Variants in CEP120 observed in about 807,000 individuals in gnomAD.
CEP120 encodes centrosomal protein of 120 kDa.
A neutral mutation model predicts 126.5 loss-of-function variants in CEP120; 113 were observed. The observed-to-expected ratio is 0.89, with a 90% CI of 0.77 to 1.04. CEP120 has a LOEUF of 1.04. Ranked by LOEUF, CEP120 falls within the 50% of genes least tolerant of loss-of-function variation. The pLI, the probability that CEP120 is intolerant of heterozygous loss-of-function variation, is 0.00. For synonymous variants in CEP120, 400 were observed against 394.3 expected (o/e 1.01, Z -0.17); for missense variants, 1,230 against 1,155.7 (o/e 1.06, Z -0.93).
At chr5:123,401,175 G>A (rs1449647329) in intron 4 of CEP120, 2 of 1,611,760 alleles carry the variant, frequency 1.2e-6, no homozygotes, top group Non-Finnish European at 8.5e-7. Flanking sequence ...CTTCTTGTAG[G>A]TGGCGATCTC....
chr5:123,351,529 A>T (rs138989442), intron 18 of CEP120, among the ~76,000 whole-genome samples: 1 of 152,290 alleles, frequency 6.6e-6, no homozygotes, highest in African/African-American at 2.4e-5. Flanking sequence ...CATAGGCTTC[A>T]AATTGCGTGG....
rs1224496946 is a variant in CEP120, at chr5:123,382,755, T to G, written c.1995A>C (p.Glu665Asp). 2 of 1,612,426 alleles carry G rather than the reference T, an allele frequency of 1.2e-6. No individual in the cohort carries two copies. The highest frequency in any genetic ancestry group is 1.7e-6 in the Non-Finnish European group (2 of 1,179,340). ...AAGTAACCTGATTTTCAAATATATC[T>G]TCTTGCATCTCCTTCCACATTTCTA... ...LELEMWKEMQEDIFENQLKQK... is the reference protein window; with the variant it reads ...LELEMWKEMQDDIFENQLKQK... Residue 665 changes from glutamate to aspartate, a missense_variant, in exon 13 of 20, where the codon GAA becomes GAC. Glu to Asp is a conservative substitution (Grantham distance 45). Coordinates refer to ENST00000306467, the MANE Select transcript of CEP120 (RefSeq NM_001375405.1).
intron 18 of CEP120, chr5:123,358,158 G>GTTGT (rs1769782159): frequency 6.6e-6 from 1 of 151,922 alleles, no homozygotes; most frequent in East Asian, 1.9e-4. Flanking sequence ...ACTAAGCAAT[G>GTTGT]TTGTTTGCAA....
intron 6 of CEP120, 36 bp downstream of exon 6, chr5:123,393,261 GACC>G: frequency 6.3e-7 from 1 of 1,585,650 alleles, no homozygotes; most frequent in South Asian, 1.1e-5. Flanking sequence ...ATGCTTAAAA[GACC>G]ACCTCCAGCT....
chr5:123,378,055 A>G (rs1771360939), intron 15 of CEP120, among the ~76,000 whole-genome samples: 2 of 152,116 alleles, frequency 1.3e-5, no homozygotes, highest in African/African-American at 2.4e-5. Context: ...ACAAAGTAAT[A>G]AACAGTATGA....
intron 17 of CEP120, among the ~76,000 whole-genome samples, chr5:123,365,228 T>C (rs1428694393): frequency 4.2e-5 from 3 of 72,258 alleles, no homozygotes; most frequent in Non-Finnish European, 9.0e-5. Context: ...TCCTCAAATA[T>C]ATAAAGAAAA....
intron 4 of CEP120, among the ~76,000 whole-genome samples, chr5:123,408,754 C>T (rs761455745): frequency 8.5e-5 from 13 of 152,164 alleles, no homozygotes; most frequent in Non-Finnish European, 1.8e-4. Context: ...AGAATACTTC[C>T]TAACTCATTC....
At chr5:123,404,753 T>C (rs1773530387) in intron 4 of CEP120, among the ~76,000 whole-genome samples, 1 of 152,250 alleles carries the variant, frequency 6.6e-6, no homozygotes, top group African/African-American at 2.4e-5. Context: ...CTATTAACAT[T>C]AGTTTTCCAT....
rs549713713 is a variant in CEP120, at chr5:123,351,325, T to C, written c.2581-1236A>G. ...AGGGTTCTTTCATTTAACATTGTTT[T>C]TGAGACTCATTGTTCTCTGTAGTTA... is the stretch of plus-strand genomic sequence containing the variant. On this transcript the variant is annotated intron_variant, in intron 18 of 19. Coordinates refer to ENST00000306467, the MANE Select transcript of CEP120 (RefSeq NM_001375405.1). Among the ~76,000 whole-genome samples, 6 of 152,344 alleles carry C rather than the reference T, an allele frequency of 3.9e-5. No homozygotes were observed. In the East Asian group the frequency reaches 7.7e-4, roughly 20 times the overall value.
At chr5:123,403,744 C>T (rs1413126597) in intron 4 of CEP120, 1 of 423,436 alleles carries the variant, frequency 2.4e-6, no homozygotes, top group Non-Finnish European at 4.6e-6. Context: ...GATATTTCTG[C>T]CAAAGATGCA....
chr5:123,395,876 G>T (rs1178082408), intron 5 of CEP120, among the ~76,000 whole-genome samples: 2 of 151,444 alleles, frequency 1.3e-5, no homozygotes, highest in South Asian at 2.1e-4. Flanking sequence ...TAGAGATGGG[G>T]TTTCACCATG....
chr5:123,421,762 A>AGTTGGT lies in CEP120; in HGVS notation c.49+1187_49+1188insACCAAC, dbSNP rs1774733647. 2.0e-5 allele frequency among the ~76,000 whole-genome samples: 3 copies of AGTTGGT among 152,174 alleles called. No homozygotes were observed. The South Asian group carries it at 6.2e-4, about 32-fold the overall frequency. On this transcript the variant is annotated intron_variant, in intron 1 of 19. Coordinates refer to ENST00000306467, the MANE Select transcript of CEP120 (RefSeq NM_001375405.1). The stretch of plus-strand genomic sequence containing the variant: ...ATAGCATGGTCAGTTATAAGTCTAA[A>AGTTGGT]AACTGTTGTTAACCAAATTTTAAGG...
chr5:123,419,343 C>T (rs750706598), intron 1 of CEP120, among the ~76,000 whole-genome samples: 2 of 152,116 alleles, frequency 1.3e-5, no homozygotes, highest in Non-Finnish European at 2.9e-5. Flanking sequence ...TTTCTGTTAA[C>T]TCAGTTAAGA....
At position 123,345,920 on chromosome 5, in the gene CEP120, A is replaced by C. The variant is rs1392066637; in HGVS notation, c.*599T>G. ...AAATACACTGAAAATTTGAAAATTC[A>C]ATAGCTCTTGAAACAAATTTAATCT... On this transcript the variant is annotated 3_prime_UTR_variant, in exon 20 of 20. Coordinates refer to ENST00000306467, the MANE Select transcript of CEP120 (RefSeq NM_001375405.1). The C allele has an allele frequency of 6.6e-6, 1 of 152,186 alleles. No individual in the cohort carries two copies. Among genetic ancestry groups the C allele is most frequent in the African/African-American group, 2.4e-5 (1 of 41,436 alleles). 9.4% of individuals were successfully genotyped at this position (152,186 alleles called of 1,614,324 possible).
chr5:123,418,224 T>TCTTC lies in CEP120; in HGVS notation c.206+134_206+135insGAAG. 4.5e-6 allele frequency: 3 copies of TCTTC among 662,332 alleles called. No individual in the cohort carries two copies. The South Asian group carries it at 1.1e-4, about 25-fold the overall frequency. The allele number at this position is 662,332 out of a possible 1,614,324, so 41.0% of individuals were successfully genotyped here. The stretch of plus-strand genomic sequence containing the variant: ...AGACTTGGGTCCCATCCCCAAGGTA[T>TCTTC]CTTTGATTATGCAGATATTCCAAAA... On this transcript the variant is annotated intron_variant, in intron 2 of 19. Coordinates refer to ENST00000306467, the MANE Select transcript of CEP120 (RefSeq NM_001375405.1).
intron 18 of CEP120, among the ~76,000 whole-genome samples, chr5:123,353,966 C>T (rs1424200613): frequency 6.6e-6 from 1 of 152,006 alleles, no homozygotes; most frequent in Non-Finnish European, 1.5e-5. Flanking sequence ...TCCTTGCTCC[C>T]ATTTTACTTT....
Position 123,346,614 on chromosome 5 carries a change from T to C in CEP120, c.2866A>G (p.Met956Val). The C allele has an allele frequency of 6.2e-7, 1 of 1,614,046 alleles. No individual in the cohort carries two copies. Among genetic ancestry groups the C allele is most frequent in the Non-Finnish European group, 8.5e-7 (1 of 1,179,964 alleles). ...TCGTGATTATACACACCCGTTCTCA[T>C]CAAAGTATCCCTTTCTTCTATCAGG... ...TRLIEERDTL[M>V]RTGVYNHEDR... Residue 956 changes from methionine to valine, a missense_variant, in exon 20 of 20, where the codon ATG becomes GTG. Met to Val is a conservative substitution (Grantham distance 21). Transcript: ENST00000306467.
chr5:123,396,428 T>G (rs992703062), intron 5 of CEP120, among the ~76,000 whole-genome samples: 18 of 149,724 alleles, frequency 1.2e-4, no homozygotes, highest in African/African-American at 3.9e-4. Context: ...ACCTGTGTGT[T>G]TTTTTTTTTA....
intron 18 of CEP120, among the ~76,000 whole-genome samples, chr5:123,354,346 A>G (rs1769411248): frequency 6.6e-6 from 1 of 152,136 alleles, no homozygotes; most frequent in Non-Finnish European, 1.5e-5. Flanking sequence ...TAAATGTTCC[A>G]TGTGCACTAG....
Sources: allele counts gnomAD v4.1 joint callset (sites outside exome capture counted in the v4.1 genomes callset), GRCh38; gene constraint gnomAD v4.1.1; transcripts MANE v1.5; gene names NCBI Gene and HGNC (gene_info 2026-07-23, HGNC 2026-07-21).